The following ADCK1 variants were observed in gnomAD, a reference collection of about 807,000 sequenced individuals.
ADCK1 encodes aarF domain-containing protein kinase 1.
ADCK1 carries 41 observed loss-of-function variants against 52.3 expected under a neutral mutation model. The ratio of observed to expected loss-of-function variants is 0.78; its 90% confidence interval spans 0.61 to 1.02. The LOEUF (loss-of-function observed/expected upper bound fraction) is 1.02, where lower values mean the gene tolerates loss of function less well. Among genes scored for constraint, ADCK1 ranks in the 50% least tolerant of loss-of-function variants. The pLI, the probability that ADCK1 is intolerant of heterozygous loss-of-function variation, is 0.00. For synonymous variants in ADCK1, 250 were observed against 274.6 expected, an observed-to-expected ratio of 0.91 and a Z score of 0.89; for missense variants, 658 against 679.5, an observed-to-expected ratio of 0.97 and a Z score of 0.35.
At position 77,911,166 on chromosome 14, in the gene ADCK1, A is replaced by G. The variant is rs1042352943; in HGVS notation, c.858+3247A>G. On this transcript the variant is annotated intron_variant, in intron 7 of 10. Transcript: ENST00000238561. ...ACAGTATATATTATTAACCCTATTT[A>G]CAGATGAGAAAGCAAATGCTCAGAG... Among the ~76,000 whole-genome samples, 7 of 152,196 alleles carry G rather than the reference A, an allele frequency of 4.6e-5. 1 individual carries two copies. Among genetic ancestry groups the G allele is most frequent in the Non-Finnish European group, 1.5e-5 (1 of 68,030 alleles).
intron 9 of ADCK1, among the ~76,000 whole-genome samples, chr14:77,927,491 A>G (rs1043202214): frequency 2.0e-5 from 3 of 152,244 alleles, no homozygotes; most frequent in African/African-American, 7.2e-5. Flanking sequence ...TGAGGATCCC[A>G]TGATGAACAG....
intron 7 of ADCK1, among the ~76,000 whole-genome samples, chr14:77,915,307 A>G (rs929673386): frequency 1.6e-4 from 24 of 150,592 alleles, no homozygotes; most frequent in Admixed American, 4.6e-4. Flanking sequence ...AACATTAGGT[A>G]TATCTCCTAA....
intron 5 of ADCK1, among the ~76,000 whole-genome samples, chr14:77,894,458 A>G (rs1002947273): frequency 6.6e-6 from 1 of 152,136 alleles, no homozygotes; most frequent in Non-Finnish European, 1.5e-5. Flanking sequence ...CCTTATCTTG[A>G]GCTTCCTATT....
intron 4 of ADCK1, among the ~76,000 whole-genome samples, chr14:77,882,164 A>G (rs1464969739): frequency 6.6e-6 from 1 of 152,054 alleles, no homozygotes; most frequent in Non-Finnish European, 1.5e-5. Flanking sequence ...GGGTGGGTGA[A>G]ACTCTCTCCA....
chr14:77,824,733 C>T (rs1331688892), intron 3 of ADCK1, among the ~76,000 whole-genome samples: 1 of 152,108 alleles, frequency 6.6e-6, no homozygotes, highest in Non-Finnish European at 1.5e-5. Context: ...CATGCCCAGC[C>T]CCAAAATGCC....
intron 3 of ADCK1, among the ~76,000 whole-genome samples, chr14:77,850,770 C>T (rs1265668368): frequency 6.6e-6 from 1 of 151,344 alleles, no homozygotes; most frequent in South Asian, 2.1e-4. Context: ...CCTGCCTCAG[C>T]TTCCCGAGTA....
intron 1 of ADCK1, among the ~76,000 whole-genome samples, chr14:77,817,529 G>A (rs551704740): frequency 4.3e-4 from 66 of 152,314 alleles, no homozygotes; most frequent in African/African-American, 1.6e-3. Flanking sequence ...CGCAAAGAGT[G>A]ACTGTGCAGC....
chr14:77,851,415 C>A lies in ADCK1; in HGVS notation c.220-7661C>A, dbSNP rs141345006. The stretch of plus-strand genomic sequence containing the variant: ...ACAGCTGTGAGCCACTGCGCCTGGC[C>A]ATATTTGGGTCTTTTTAAGAGTAGT... On this transcript the variant is annotated intron_variant, in intron 3 of 10. Transcript: ENST00000238561. Among the ~76,000 whole-genome samples, 725 of 152,202 alleles carry A rather than the reference C, an allele frequency of 4.8e-3. 6 individuals carry two copies. The highest frequency in any genetic ancestry group is 0.017 in the African/African-American group (696 of 41,526).
At chr14:77,882,118 G>A (rs1318600629) in intron 4 of ADCK1, among the ~76,000 whole-genome samples, 1 of 151,372 alleles carries the variant, frequency 6.6e-6, no homozygotes, top group Non-Finnish European at 1.5e-5. Context: ...TAGATAGCTG[G>A]AGTTATTGTG....
chr14:77,849,434 G>A (rs1395436938), intron 3 of ADCK1, among the ~76,000 whole-genome samples: 1 of 151,608 alleles, frequency 6.6e-6, no homozygotes, highest in Admixed American at 6.6e-5. Context: ...TTAGAACGGT[G>A]TTATTTAGTT....
At chr14:77,854,409 T>G (rs1355765931) in intron 3 of ADCK1, among the ~76,000 whole-genome samples, 1 of 151,948 alleles carries the variant, frequency 6.6e-6, no homozygotes, top group Admixed American at 6.6e-5. Context: ...CCCAAGGGAG[T>G]ATAGTTAGAG....
intron 3 of ADCK1, among the ~76,000 whole-genome samples, chr14:77,852,228 A>G (rs1044357122): frequency 3.3e-5 from 5 of 151,716 alleles, no homozygotes; most frequent in African/African-American, 7.3e-5. Context: ...CAAACTCCTG[A>G]CCTCGTGATC....
At chr14:77,903,026 C>T (rs149321165) in intron 6 of ADCK1, among the ~76,000 whole-genome samples, 1 of 152,254 alleles carries the variant, frequency 6.6e-6, no homozygotes, top group East Asian at 1.9e-4. Context: ...GAACCATCTC[C>T]TCTACTGTTC....
intron 9 of ADCK1, among the ~76,000 whole-genome samples, chr14:77,927,897 C>T (rs2140300189): frequency 6.6e-6 from 1 of 152,316 alleles, no homozygotes; most frequent in Non-Finnish European, 1.5e-5. Context: ...TAATTCTCAG[C>T]ACAAAACAAA....
chr14:77,845,380 A>G (rs574554616), intron 3 of ADCK1, among the ~76,000 whole-genome samples: 18 of 152,326 alleles, frequency 1.2e-4, no homozygotes, highest in Non-Finnish European at 2.4e-4. Context: ...ACACATAGTA[A>G]ATACTTAATC....
chr14:77,852,660 A>AATATATATATATATATAT lies in ADCK1; in HGVS notation c.220-6389_220-6372dup, dbSNP rs370053776. On this transcript the variant is annotated intron_variant, in intron 3 of 10. Coordinates refer to ENST00000238561, the MANE Select transcript of ADCK1 (RefSeq NM_020421.4). ...CAGCCATTATTTCTTTAAATAAATAAATATATATATATATATATATATATA... is the reference window on the plus strand; with the variant it reads ...CAGCCATTATTTCTTTAAATAAATAAATATATATATATATATATATATATATATATATATATATATATA... Among the ~76,000 whole-genome samples the AATATATATATATATATAT allele has an allele frequency of 3.5e-4, 11 of 31,710 alleles. 1 individual carries two copies. Among genetic ancestry groups the AATATATATATATATATAT allele is most frequent in the African/African-American group, 1.3e-3 (11 of 8,766 alleles). The allele number at this position is 31,710 out of a possible 152,430, so 20.8% of individuals were successfully genotyped here. A position where few individuals can be genotyped will look rare whatever the true frequency, so the allele number is the denominator to read the frequency against.
At chr14:77,913,570 G>C (rs532990558) in intron 7 of ADCK1, among the ~76,000 whole-genome samples, 1 of 152,336 alleles carries the variant, frequency 6.6e-6, no homozygotes, top group African/African-American at 2.4e-5. Flanking sequence ...CCCGGGCTGG[G>C]TGGCGCCTCC....
chr14:77,869,191 T>G (rs984044985), intron 4 of ADCK1, among the ~76,000 whole-genome samples: 2 of 152,160 alleles, frequency 1.3e-5, no homozygotes, highest in African/African-American at 4.8e-5. Context: ...GCCGCAAACC[T>G]CTGGCTTAAA....
At position 77,931,662 on chromosome 14, in the gene ADCK1, G is replaced by T; in HGVS notation, c.1351G>T (p.Ala451Ser). ...IEAALGTRASASSFLNMSRCC... is the reference protein window; with the variant it reads ...IEAALGTRASSSSFLNMSRCC... Reference sequence around the variant, plus strand: ...GGCCGCCCTGGGCACCCGCGCCAGCGCCAGCTCCTTTCTCAACATGTCACG... The same window carrying T: ...GGCCGCCCTGGGCACCCGCGCCAGCTCCAGCTCCTTTCTCAACATGTCACG... Residue 451 changes from alanine to serine, a missense_variant, in exon 10 of 11, where the codon GCC becomes TCC. Coordinates refer to ENST00000238561, the MANE Select transcript of ADCK1 (RefSeq NM_020421.4). 1 of 1,609,430 alleles carries T rather than the reference G, an allele frequency of 6.2e-7. No homozygotes were observed. The highest frequency in any genetic ancestry group is 1.3e-5 in the African/African-American group (1 of 75,060).
Sources: gnomAD v4.1 joint callset for allele counts (sites outside exome capture counted in the v4.1 genomes callset) on GRCh38, gnomAD v4.1.1 for gene constraint, MANE v1.5 for transcripts, NCBI Gene and HGNC (gene_info 2026-07-23, HGNC 2026-07-21) for gene names.